ACADS: variants seen among roughly 807,000 people sequenced by gnomAD.
ACADS encodes the protein acyl-CoA dehydrogenase short chain.
ACADS carries 28 observed loss-of-function variants against 46.8 expected under a neutral mutation model. That is an observed-to-expected ratio of 0.60 (90% CI 0.44 to 0.82). The LOEUF (loss-of-function observed/expected upper bound fraction) is 0.82, where lower values mean the gene tolerates loss of function less well. ACADS is among the 40% of genes least tolerant of loss of function. The probability of loss-of-function intolerance (pLI) is 0.00; values close to 1 mark genes in which losing one functional copy is unlikely to be tolerated. For synonymous variants in ACADS, 236 were observed against 237.7 expected (o/e 0.99, Z 0.07); for missense variants, 528 against 578.0 (o/e 0.91, Z 0.89).
chr12:120,737,940 T>C lies in ACADS; in HGVS notation c.576T>C (p.Ala192=), dbSNP rs1296587899. 1.9e-6 allele frequency: 3 copies of C among 1,614,014 alleles called. No individual in the cohort carries two copies. In the African/African-American group the frequency reaches 4.0e-5, roughly 22 times the overall value. The change falls in exon 5 of 10, where the codon GCT becomes GCC. Residue 192 remains alanine (A), a synonymous_variant. Transcript: ENST00000242592. The part of the protein sequence containing the change: ...TKAWITNAWE[A]SAAVVFASTD... ...CCTGGATCACCAATGCCTGGGAGGC[T>C]TCGGCTGCCGTGGTCTTTGCCAGCA...
At chr12:120,731,612 G>A (rs1343311847) in intron 2 of ACADS, among the ~76,000 whole-genome samples, 1 of 151,246 alleles carries the variant, frequency 6.6e-6, no homozygotes, top group Non-Finnish European at 1.5e-5. Context: ...CCACCATCAC[G>A]CCTGGCTAAT....
Position 120,737,932 on chromosome 12 carries a change from TG to T in ACADS, c.571del (p.Glu191ArgfsTer73). ...NGTKAWITNAWEASAAVVFAS... is the reference protein window; with the variant it reads ...NGTKAWITNAXEASAAVVFAS... ...AACCAAAGCCTGGATCACCAATGCC[TG>T]GGAGGCTTCGGCTGCCGTGGTCTTT... On this transcript the variant is annotated frameshift_variant, in exon 5 of 10. Coordinates refer to ENST00000242592, the MANE Select transcript of ACADS (RefSeq NM_000017.4). LOFTEE classifies it high-confidence loss of function. The T allele has an allele frequency of 6.2e-7, 1 of 1,614,124 alleles. No homozygotes were observed. The highest frequency in any genetic ancestry group is 8.5e-7 in the Non-Finnish European group (1 of 1,180,032).
At chr12:120,733,634 C>T (rs556850611) in intron 2 of ACADS, among the ~76,000 whole-genome samples, 1 of 151,376 alleles carries the variant, frequency 6.6e-6, no homozygotes, top group Admixed American at 6.6e-5. Context: ...CAGGACCCCC[C>T]TCCCCAGGTG....
chr12:120,738,868 A>C lies in ACADS; in HGVS notation c.982A>C (p.Thr328Pro). Reference sequence around the variant, plus strand: ...GGCCCTGGAGAGTGCCCGGCTGCTGACCTGGCGCGCTGCCATGCTGAAGGA... The same window carrying C: ...GGCCCTGGAGAGTGCCCGGCTGCTGCCCTGGCGCGCTGCCATGCTGAAGGA... ...ALALESARLL[T>P]WRAAMLKDNK... Residue 328 changes from threonine to proline, a missense_variant, in exon 8 of 10, where the codon ACC becomes CCC. Coordinates refer to ENST00000242592, the MANE Select transcript of ACADS (RefSeq NM_000017.4). 4 of 1,613,818 alleles carry C rather than the reference A, an allele frequency of 2.5e-6. No individual in the cohort carries two copies. Among genetic ancestry groups the C allele is most frequent in the Non-Finnish European group, 3.4e-6 (4 of 1,180,016 alleles).
At chr12:120,733,314 T>G (rs932042430) in intron 2 of ACADS, among the ~76,000 whole-genome samples, 1 of 151,674 alleles carries the variant, frequency 6.6e-6, no homozygotes, top group African/African-American at 2.4e-5. Context: ...TTGGCCAGGC[T>G]GGTCTCGAAC....
At chr12:120,732,158 C>T (rs1396775042) in intron 2 of ACADS, among the ~76,000 whole-genome samples, 1 of 152,260 alleles carries the variant, frequency 6.6e-6, no homozygotes, top group Non-Finnish European at 1.5e-5. Flanking sequence ...GGGTACACCT[C>T]CCAGACGGGG....
Position 120,738,583 on chromosome 12 carries a change from T to G in ACADS, c.846T>G (p.Ile282Met). Residue 282 changes from isoleucine (I) to methionine (M), a missense_variant, in exon 7 of 10, where the codon ATT becomes ATG. Transcript: ENST00000242592. ...GCATCGCCTCCCAGGCCCTGGGCAT[T>G]GCCCAGACCGCCCTCGATTGTGCTG... is the stretch of plus-strand genomic sequence containing the variant. The part of the protein sequence containing the change: ...RIGIASQALG[I>M]AQTALDCAVN... The G allele has an allele frequency of 6.2e-7, 1 of 1,612,862 alleles. No individual in the cohort carries two copies. Among genetic ancestry groups the G allele is most frequent in the South Asian group, 1.1e-5 (1 of 91,088 alleles).
rs372873554 is a variant in ACADS, at chr12:120,737,357, C to G, written c.362C>G (p.Ser121Cys). 47 of 1,613,832 alleles carry G rather than the reference C, an allele frequency of 2.9e-5. No homozygotes were observed. Among genetic ancestry groups the G allele is most frequent in the Non-Finnish European group, 4.0e-5 (47 of 1,179,918 alleles). ...GACCGCTCCCCGCTGTCCTCCTAGT[C>G]TCTCTACCTGGGGCCCATCTTGAAG... ...STGVIMSVNN[S>C]LYLGPILKFG... Residue 121 changes from serine to cysteine, a missense_variant and splice_region_variant, in exon 4 of 10, where the codon TCT (serine) becomes TGT (cysteine). Coordinates refer to ENST00000242592, the MANE Select transcript of ACADS (RefSeq NM_000017.4).
chr12:120,731,611 C>T (rs1406534505), intron 2 of ACADS, among the ~76,000 whole-genome samples: 6 of 151,592 alleles, frequency 4.0e-5, no homozygotes, highest in South Asian at 4.2e-4. Flanking sequence ...CCCACCATCA[C>T]GCCTGGCTAA....
chr12:120,727,899 A>G (rs1429827405), intron 2 of ACADS, among the ~76,000 whole-genome samples: 24 of 152,016 alleles, frequency 1.6e-4, no homozygotes, highest in Admixed American at 1.6e-3. Context: ...AACATACCCA[A>G]GGTCATGGAG....
At chr12:120,733,812 A>G (rs1330347463) in intron 2 of ACADS, among the ~76,000 whole-genome samples, 1 of 151,120 alleles carries the variant, frequency 6.6e-6, no homozygotes, top group Non-Finnish European at 1.5e-5. Flanking sequence ...TGACCATTCA[A>G]GACCAGCCTG....
chr12:120,725,914 C>A lies in ACADS; in HGVS notation c.29C>A (p.Ser10Ter). Residue 10 changes from serine (S) to a stop codon, truncating the protein, a stop_gained, in exon 1 of 10, where the codon TCG (serine) becomes TAG (stop). Transcript: ENST00000242592. LOFTEE classifies it high-confidence loss of function. ...GCCGCCGCGCTGCTCGCCCGGGCCTCGGGCCCTGCCCGCAGAGGTGAGTGC... is the reference window on the plus strand; with the variant it reads ...GCCGCCGCGCTGCTCGCCCGGGCCTAGGGCCCTGCCCGCAGAGGTGAGTGC... MAAALLARASGPARRALCPR... is the reference protein window; with the variant it reads MAAALLARA 1.3e-6 allele frequency: 2 copies of A among 1,556,156 alleles called. No individual in the cohort carries two copies. Among genetic ancestry groups the A allele is most frequent in the East Asian group, 2.4e-5 (1 of 41,886 alleles).
At chr12:120,726,013 C>T in intron 1 of ACADS, 82 bp downstream of exon 1, 1 of 1,377,152 alleles carries the variant, frequency 7.3e-7, no homozygotes, top group Non-Finnish European at 9.6e-7. Flanking sequence ...CCGGCTCTGT[C>T]AGAGCCGCTG....
rs530142949 is a variant in ACADS at position 120,733,732 on chromosome 12, T to C, written c.211-3254T>C. Reference sequence around the variant, plus strand: ...CTGAGTTCCCATTTGTCACTGTGGATGAGTTTCCTATTGCTGCTGTAACAA... The same window carrying C: ...CTGAGTTCCCATTTGTCACTGTGGACGAGTTTCCTATTGCTGCTGTAACAA... On this transcript the variant is annotated intron_variant, in intron 2 of 9. Coordinates refer to ENST00000242592, the MANE Select transcript of ACADS (RefSeq NM_000017.4). Among the ~76,000 whole-genome samples, 20 of 151,848 alleles carry C rather than the reference T, an allele frequency of 1.3e-4. No individual in the cohort carries two copies. The East Asian group carries it at 3.5e-3, about 27-fold the overall frequency.
intron 2 of ACADS, among the ~76,000 whole-genome samples, chr12:120,730,597 G>C (rs765870625): frequency 7.2e-5 from 11 of 152,194 alleles, no homozygotes; most frequent in Non-Finnish European, 1.3e-4. Context: ...GCTACCTGTC[G>C]GGACGTGTGA....
intron 2 of ACADS, among the ~76,000 whole-genome samples, chr12:120,732,815 G>A (rs532757783): frequency 1.3e-4 from 20 of 152,264 alleles, no homozygotes; most frequent in African/African-American, 4.8e-4. Flanking sequence ...TTTCCCAGAC[G>A]GGGTGGCGGC....
chr12:120,738,625 T>A lies in ACADS; in HGVS notation c.888T>A (p.Asn296Lys). Residue 296 changes from asparagine (N) to lysine (K), a missense_variant, in exon 7 of 10, where the codon AAT becomes AAA. By Grantham distance (94) the Asn-to-Lys change is moderately conservative (BLOSUM62 0). Coordinates refer to ENST00000242592, the MANE Select transcript of ACADS (RefSeq NM_000017.4). ...ATTGTGCTGTGAACTACGCTGAGAA[T>A]CGCATGGCCTTCGGGGCGCCCCTCA... ...ALDCAVNYAENRMAFGAPLTK... is the reference protein window; with the variant it reads ...ALDCAVNYAEKRMAFGAPLTK... 1 of 1,613,238 alleles carries A rather than the reference T, an allele frequency of 6.2e-7. No homozygotes were observed. The highest frequency in any genetic ancestry group is 8.5e-7 in the Non-Finnish European group (1 of 1,180,028).
rs17848089 is a variant in ACADS, at chr12:120,738,324, G to A, written c.669G>A (p.Thr223=). 1.5e-4 allele frequency: 236 copies of A among 1,614,210 alleles called. No homozygotes were observed. In the African/African-American group the frequency reaches 1.8e-3, roughly 12 times the overall value. ...FLVPMPTPGL[T]LGKKEDKLGI... The stretch of plus-strand genomic sequence containing the variant: ...TCCCCATGCCAACGCCTGGGCTCAC[G>A]TTGGGGAAGAAAGAAGACAAGCTGG... Residue 223 remains threonine, a synonymous_variant, in exon 6 of 10, where the codon ACG becomes ACA. Transcript: ENST00000242592.
Position 120,738,490 on chromosome 12 carries a change from C to T in ACADS, c.795+40C>T, listed in dbSNP as rs17848090. On this transcript the variant is annotated intron_variant, in intron 6 of 9. Coordinates refer to ENST00000242592, the MANE Select transcript of ACADS (RefSeq NM_000017.4). ...GGGGGTGGCACCTTGAGGCCAGGCC[C>T]GCGCCCCGGCTGGCGGGCCACTGAC... The T allele has an allele frequency of 0.018, 28,600 of 1,605,660 alleles. 1,721 individuals are homozygous for T. The East Asian group carries it at 0.24, about 13-fold the overall frequency.
Sources: allele counts gnomAD v4.1 joint callset (sites outside exome capture counted in the v4.1 genomes callset), GRCh38; gene constraint gnomAD v4.1.1; transcripts MANE v1.5; gene names NCBI Gene and HGNC (gene_info 2026-07-23, HGNC 2026-07-21).